The following LNX2 variants were observed in gnomAD, a reference collection of about 807,000 sequenced individuals.
The protein encoded by LNX2 is ligand of numb-protein X 2.
Under a neutral mutation model 66.2 loss-of-function variants are expected in LNX2, and 35 were observed. The observed-to-expected ratio is 0.53, with a 90% CI of 0.40 to 0.70. The LOEUF (loss-of-function observed/expected upper bound fraction) is 0.70, where lower values mean the gene tolerates loss of function less well. Ranked by LOEUF, LNX2 falls within the 30% of genes least tolerant of loss-of-function variation. The pLI is 0.00. For synonymous variants in LNX2, 337 were observed against 315.6 expected (o/e 1.07, Z -0.72); for missense variants, 791 against 850.8 (o/e 0.93, Z 0.87).
intron 1 of LNX2, among the ~76,000 whole-genome samples, chr13:27,597,598 G>A (rs1184581350): frequency 1.3e-5 from 2 of 152,154 alleles, no homozygotes; most frequent in African/African-American, 4.8e-5. Flanking sequence ...CTAGACCCAT[G>A]TGTCTGGGTA....
At chr13:27,614,426 C>T (rs995575273) in intron 1 of LNX2, among the ~76,000 whole-genome samples, 5 of 152,046 alleles carry the variant, frequency 3.3e-5, no homozygotes. Context: ...GTACCATTTC[C>T]CACACCCCCA....
intron 4 of LNX2, among the ~76,000 whole-genome samples, chr13:27,564,257 C>T (rs1955176614): frequency 6.6e-6 from 1 of 152,184 alleles, no homozygotes; most frequent in South Asian, 2.1e-4. Context: ...TCCAGGAATG[C>T]ATGGTTGCCA....
intron 1 of LNX2, among the ~76,000 whole-genome samples, chr13:27,591,253 G>A (rs1249085985): frequency 2.0e-5 from 3 of 152,116 alleles, no homozygotes; most frequent in African/African-American, 7.2e-5. Flanking sequence ...AAAATACATT[G>A]TAATTCATTA....
chr13:27,589,906 G>C (rs1370820984), intron 1 of LNX2, among the ~76,000 whole-genome samples: 1 of 152,170 alleles, frequency 6.6e-6, no homozygotes, highest in East Asian at 1.9e-4. Context: ...CCAACACGTG[G>C]GCTTTCTTCA....
chr13:27,566,507 CCTGA>C (rs1385829123), intron 4 of LNX2, among the ~76,000 whole-genome samples: 1 of 152,080 alleles, frequency 6.6e-6, no homozygotes, highest in Non-Finnish European at 1.5e-5. Context: ...CGTGGAGGAC[CCTGA>C]CTATTAGATT....
At chr13:27,583,239 T>TCCTCTCCAATATAA (rs1955435347) in intron 1 of LNX2, among the ~76,000 whole-genome samples, 3 of 17,698 alleles carry the variant, frequency 1.7e-4, no homozygotes, top group East Asian at 8.1e-4. Context: ...TGTGTGTGTG[T>TCCTCTCCAATATAA]GTGTGTGTGT....
chr13:27,556,237 T>C lies in LNX2; in HGVS notation c.1545A>G (p.Arg515=), dbSNP rs758160698. 1.9e-6 allele frequency: 3 copies of C among 1,611,900 alleles called. No homozygotes were observed. In the East Asian group the frequency reaches 6.7e-5, roughly 36 times the overall value. Residue 515 remains arginine (R), a splice_region_variant and synonymous_variant, in exon 7 of 10, where the codon AGA becomes AGG. Coordinates refer to ENST00000316334, the MANE Select transcript of LNX2 (RefSeq NM_153371.4). ...AAATTTTTCAAGATCCCATCTTACC[T>C]CTCTTTATTCTGCCATCTCGTGCAA... is the stretch of plus-strand genomic sequence containing the variant. ...GCLARDGRIK[R]GDVLLNINGI... is the part of the protein sequence containing the mutation.
At chr13:27,571,125 T>C (rs1955274551) in intron 2 of LNX2, among the ~76,000 whole-genome samples, 1 of 152,110 alleles carries the variant, frequency 6.6e-6, no homozygotes, top group Non-Finnish European at 1.5e-5. Context: ...GGCCATAGAT[T>C]GAACCTTTGG....
intron 4 of LNX2, among the ~76,000 whole-genome samples, chr13:27,565,038 C>A (rs1287359328): frequency 6.6e-6 from 1 of 152,108 alleles, no homozygotes; most frequent in Admixed American, 6.6e-5. Context: ...AATCATTAAA[C>A]TAGATGTAAG....
At position 27,583,264 on chromosome 13, in the gene LNX2, C is replaced by CGCGCGCG. The variant is rs1566124935; in HGVS notation, c.-100-1462_-100-1461insCGCGCGC. 2.2e-4 allele frequency among the ~76,000 whole-genome samples: 2 copies of CGCGCGCG among 8,980 alleles called. 1 individual carries two copies. The highest frequency in any genetic ancestry group is 1.2e-3 in the African/African-American group (2 of 1,634). 5.9% of individuals were successfully genotyped at this position (8,980 alleles called of 152,430 possible). The stretch of plus-strand genomic sequence containing the variant: ...TGTGTGTGTGTGTGTGTGCGCGCGT[C>CGCGCGCG]CTCTCCAACATACTTATTTTTAAGT... On this transcript the variant is annotated intron_variant, in intron 1 of 9. Coordinates refer to ENST00000316334, the MANE Select transcript of LNX2 (RefSeq NM_153371.4).
chr13:27,574,155 G>C (rs1394002184), intron 2 of LNX2, among the ~76,000 whole-genome samples: 1 of 152,184 alleles, frequency 6.6e-6, no homozygotes, highest in East Asian at 1.9e-4. Flanking sequence ...GGGTTAAAAA[G>C]TTTAATGAAA....
At chr13:27,570,910 AAT>A (rs1398080376) in intron 2 of LNX2, among the ~76,000 whole-genome samples, 2 of 152,314 alleles carry the variant, frequency 1.3e-5, no homozygotes, top group South Asian at 4.1e-4. Flanking sequence ...TCACAAACGA[AAT>A]ATGTAAGGCC....
At chr13:27,552,362 C>T (rs1318026544) in intron 8 of LNX2, among the ~76,000 whole-genome samples, 1 of 152,204 alleles carries the variant, frequency 6.6e-6, no homozygotes, top group Non-Finnish European at 1.5e-5. Flanking sequence ...CGCCTTGAAG[C>T]ACTATATAAA....
chr13:27,563,466 A>G (rs549275239), intron 4 of LNX2, among the ~76,000 whole-genome samples: 10 of 152,350 alleles, frequency 6.6e-5, no homozygotes, highest in African/African-American at 2.4e-4. Flanking sequence ...TATCTAATGC[A>G]TTATTCAATA....
At chr13:27,554,252 A>T (rs1215649694) in intron 7 of LNX2, among the ~76,000 whole-genome samples, 1 of 152,240 alleles carries the variant, frequency 6.6e-6, no homozygotes, top group Non-Finnish European at 1.5e-5. Flanking sequence ...AATAACCTTT[A>T]CTTAATAGCA....
In LNX2 at chr13:27,547,442, ATTTCT is replaced by A. The variant is rs1954953547; in HGVS notation, c.*888_*892del. 2 of 152,196 alleles carry A rather than the reference ATTTCT, an allele frequency of 1.3e-5. No homozygotes were observed. The highest frequency in any genetic ancestry group is 1.3e-4 in the Admixed American group (2 of 15,282). 9.4% of individuals were successfully genotyped at this position (152,196 alleles called of 1,614,324 possible). ...TATTCTAATAATAGTATATTAAGAA[ATTTCT>A]TTAGTGTTGTCAGACTTATTTCTTC... On this transcript the variant is annotated 3_prime_UTR_variant, in exon 10 of 10. Coordinates refer to ENST00000316334, the MANE Select transcript of LNX2 (RefSeq NM_153371.4).
Position 27,581,274 on chromosome 13 carries a change from CTTCT to C in LNX2, c.407+19_407+22del, listed in dbSNP as rs774862607. 6 of 1,454,682 alleles carry C rather than the reference CTTCT, an allele frequency of 4.1e-6. No homozygotes were observed. In the African/African-American group the frequency reaches 8.5e-5, roughly 20 times the overall value. The allele number at this position is 1,454,682 out of a possible 1,614,324, so 90.1% of individuals were successfully genotyped here. ...CACCTTTTTCCAAAATCTGGAGTTA[CTTCT>C]TTTATATTTTTTGCTTACCTGTTTT... On this transcript the variant is annotated intron_variant, in intron 2 of 9. Transcript: ENST00000316334.
At position 27,588,328 on chromosome 13, in the gene LNX2, T is replaced by G. The variant is rs575158420; in HGVS notation, c.-100-6525A>C. ...TGTGGCACATCTATACCACAGAGTTTTACTCAGCGATAAAAAGGAATGAAC... is the reference window on the plus strand; with the variant it reads ...TGTGGCACATCTATACCACAGAGTTGTACTCAGCGATAAAAAGGAATGAAC... On this transcript the variant is annotated intron_variant, in intron 1 of 9. Coordinates refer to ENST00000316334, the MANE Select transcript of LNX2 (RefSeq NM_153371.4). Among the ~76,000 whole-genome samples the G allele has an allele frequency of 7.2e-5, 11 of 152,286 alleles. No individual in the cohort carries two copies. In the South Asian group the frequency reaches 1.7e-3, roughly 23 times the overall value.
chr13:27,564,664 A>T (rs1282551337), intron 4 of LNX2, among the ~76,000 whole-genome samples: 3 of 152,188 alleles, frequency 2.0e-5, no homozygotes, highest in African/African-American at 4.8e-5. Context: ...AATGTGGGAA[A>T]ACCACCAAAG....
Sources: allele counts gnomAD v4.1 joint callset (sites outside exome capture counted in the v4.1 genomes callset), GRCh38; gene constraint gnomAD v4.1.1; transcripts MANE v1.5; gene names NCBI Gene and HGNC (gene_info 2026-07-23, HGNC 2026-07-21).